TNIK: variants seen among roughly 807,000 people sequenced by gnomAD.
The protein encoded by TNIK is TRAF2 and NCK interacting kinase.
A neutral mutation model predicts 191.3 loss-of-function variants in TNIK; 49 were observed. The observed-to-expected ratio is 0.26, with a 90% CI of 0.20 to 0.32. The LOEUF (loss-of-function observed/expected upper bound fraction) is 0.32, where lower values mean the gene tolerates loss of function less well. TNIK is among the 10% of genes least tolerant of loss of function. The pLI, the probability that TNIK is intolerant of heterozygous loss-of-function variation, is 1.00. For missense variants in TNIK, 1,155 were observed against 1,702.3 expected, an observed-to-expected ratio of 0.68 and a Z score of 5.66; for synonymous variants, 594 against 600.9, an observed-to-expected ratio of 0.99 and a Z score of 0.17.
intron 4 of TNIK, 77 bp downstream of exon 4, chr3:171,211,039 A>T: frequency 6.4e-7 from 1 of 1,571,132 alleles, no homozygotes; most frequent in Non-Finnish European, 8.6e-7. Context: ...AAATTTTGTC[A>T]TGAGGATAGA....
At chr3:171,286,203 C>T (rs1280895401) in intron 2 of TNIK, among the ~76,000 whole-genome samples, 1 of 152,158 alleles carries the variant, frequency 6.6e-6, no homozygotes, top group African/African-American at 2.4e-5. Context: ...ACTTTAAAAA[C>T]TTCTCCTTCT....
intron 22 of TNIK, among the ~76,000 whole-genome samples, chr3:171,095,046 A>G (rs1358467143): frequency 6.6e-6 from 1 of 152,230 alleles, no homozygotes; most frequent in Non-Finnish European, 1.5e-5. Context: ...TGGGGCATCC[A>G]TAAACTAGGA....
chr3:171,386,076 T>C (rs1448548132), intron 1 of TNIK, among the ~76,000 whole-genome samples: 1 of 152,220 alleles, frequency 6.6e-6, no homozygotes, highest in Non-Finnish European at 1.5e-5. Flanking sequence ...GCTCCATTCA[T>C]GTTAATATCT....
In TNIK at chr3:171,297,117, G is replaced by A. The variant is rs193190138; in HGVS notation, c.124-68896C>T. Among the ~76,000 whole-genome samples the A allele has an allele frequency of 1.8e-3, 281 of 152,246 alleles. 1 individual carries two copies. The highest frequency in any genetic ancestry group is 3.4e-3 in the Non-Finnish European group (229 of 68,018). On this transcript the variant is annotated intron_variant, in intron 2 of 32. Transcript: ENST00000436636. ...CAGCTATAATTTGGTGTCGTTTTCAGTGTTGGCTCTGAGATCTCAGTCTCT... is the reference window on the plus strand; with the variant it reads ...CAGCTATAATTTGGTGTCGTTTTCAATGTTGGCTCTGAGATCTCAGTCTCT...
At chr3:171,315,668 C>A (rs1272256313) in intron 2 of TNIK, among the ~76,000 whole-genome samples, 4 of 151,848 alleles carry the variant, frequency 2.6e-5, no homozygotes, top group African/African-American at 9.7e-5. Flanking sequence ...CAGTTCCATG[C>A]CTCCTTCCTA....
intron 1 of TNIK, among the ~76,000 whole-genome samples, chr3:171,443,336 A>G (rs111370558): frequency 3.8e-4 from 58 of 152,270 alleles, no homozygotes; most frequent in African/African-American, 1.4e-3. Context: ...AACCACGCCA[A>G]TTGCAACATA....
chr3:171,364,576 A>G (rs1304044168), intron 2 of TNIK, among the ~76,000 whole-genome samples: 1 of 152,234 alleles, frequency 6.6e-6, no homozygotes, highest in Non-Finnish European at 1.5e-5. Context: ...GTGATGGCCT[A>G]GACAGACTAG....
At chr3:171,247,392 G>C (rs1745710585) in intron 2 of TNIK, among the ~76,000 whole-genome samples, 2 of 152,244 alleles carry the variant, frequency 1.3e-5, no homozygotes, top group Non-Finnish European at 2.9e-5. Flanking sequence ...AGAATTGAAA[G>C]AGAAACAGAA....
At chr3:171,389,276 T>C (rs764746710) in intron 1 of TNIK, among the ~76,000 whole-genome samples, 1 of 145,040 alleles carries the variant, frequency 6.9e-6, no homozygotes, top group Non-Finnish European at 1.5e-5. Flanking sequence ...CCAGAAACTG[T>C]GTCCGTTGGT....
chr3:171,452,465 A>G (rs1381494468), intron 1 of TNIK, among the ~76,000 whole-genome samples: 1 of 152,048 alleles, frequency 6.6e-6, no homozygotes, highest in Non-Finnish European at 1.5e-5. Flanking sequence ...CTTACATGTG[A>G]CAAAACTGAA....
At chr3:171,090,383 C>G (rs2108401250) in intron 23 of TNIK, among the ~76,000 whole-genome samples, 1 of 152,052 alleles carries the variant, frequency 6.6e-6, no homozygotes, top group East Asian at 1.9e-4. Flanking sequence ...CCTACCCTCT[C>G]CCGACTTAAA....
intron 12 of TNIK, among the ~76,000 whole-genome samples, chr3:171,152,216 G>C (rs534190182): frequency 6.6e-6 from 1 of 152,036 alleles, no homozygotes; most frequent in Admixed American, 6.6e-5. Flanking sequence ...GGGAGGCAGA[G>C]GTTGCAGTGA....
chr3:171,416,819 C>T (rs1723149673), intron 1 of TNIK, among the ~76,000 whole-genome samples: 1 of 152,092 alleles, frequency 6.6e-6, no homozygotes, highest in Non-Finnish European at 1.5e-5. Flanking sequence ...GTCCTTTACG[C>T]TTCTATTATT....
intron 3 of TNIK, among the ~76,000 whole-genome samples, chr3:171,225,211 T>C (rs577982884): frequency 6.6e-6 from 1 of 152,126 alleles, no homozygotes; most frequent in Non-Finnish European, 1.5e-5. Flanking sequence ...CATGGCAAAA[T>C]AGAATAGACT....
chr3:171,069,471 T>C (rs1000240613), intron 29 of TNIK, among the ~76,000 whole-genome samples: 2 of 152,112 alleles, frequency 1.3e-5, no homozygotes, highest in Admixed American at 1.3e-4. Flanking sequence ...ATGGGCATGC[T>C]CTGGTTTGGA....
intron 28 of TNIK, among the ~76,000 whole-genome samples, chr3:171,078,880 C>G (rs1438758342): frequency 6.6e-6 from 1 of 152,172 alleles, no homozygotes; most frequent in African/African-American, 2.4e-5. Flanking sequence ...TGTGTTTTCA[C>G]AAGTATTCCC....
chr3:171,444,759 T>C (rs1330714859), intron 1 of TNIK, among the ~76,000 whole-genome samples: 1 of 152,184 alleles, frequency 6.6e-6, no homozygotes, highest in African/African-American at 2.4e-5. Flanking sequence ...TGTCCACAAT[T>C]TCTCTGAGGT....
intron 3 of TNIK, among the ~76,000 whole-genome samples, chr3:171,211,985 C>T (rs187634184): frequency 2.0e-5 from 3 of 152,206 alleles, no homozygotes; most frequent in Admixed American, 6.5e-5. Context: ...TGGTGACCTC[C>T]CATAATTTTA....
chr3:171,347,242 G>A (rs1389047), intron 2 of TNIK: 55 of 1,515,626 alleles, frequency 3.6e-5, no homozygotes, highest in South Asian at 1.1e-4. Context: ...AAAAAGAAAA[G>A]AAAAATGACA....
Sources: allele counts gnomAD v4.1 joint callset (sites outside exome capture counted in the v4.1 genomes callset), GRCh38; gene constraint gnomAD v4.1.1; transcripts MANE v1.5; gene names NCBI Gene and HGNC (gene_info 2026-07-23, HGNC 2026-07-21).